The following DCAF17 variants were observed in gnomAD, a reference collection of about 807,000 sequenced individuals.
The protein encoded by DCAF17 is DDB1- and CUL4-associated factor 17.
Under a neutral mutation model 66.0 loss-of-function variants are expected in DCAF17, and 48 were observed. The ratio of observed to expected loss-of-function variants is 0.73; its 90% CI spans 0.58 to 0.92. The LOEUF (loss-of-function observed/expected upper bound fraction) is 0.92. Among genes scored for constraint, DCAF17 ranks in the 40% least tolerant of loss-of-function variants. The pLI is 0.00. For missense variants in DCAF17, 562 were observed against 622.8 expected, an observed-to-expected ratio of 0.90 and a Z score of 1.04; for synonymous variants, 206 against 214.6, an observed-to-expected ratio of 0.96 and a Z score of 0.35.
chr2:171,483,157 T>C lies in DCAF17; in HGVS notation c.*2043T>C, dbSNP rs1217456849. ...GGATACCACACATAGCGAGAGACAA[T>C]GAAGCATGCTTCCCAGCTCGCCAGA... is the stretch of plus-strand genomic sequence containing the variant. On this transcript the variant is annotated 3_prime_UTR_variant, in exon 14 of 14. Coordinates refer to ENST00000375255, the MANE Select transcript of DCAF17 (RefSeq NM_025000.4). 1 of 454,118 alleles carries C rather than the reference T, an allele frequency of 2.2e-6. No homozygotes were observed. Among genetic ancestry groups the C allele is most frequent in the Non-Finnish European group, 4.4e-6 (1 of 226,788 alleles). The allele number at this position is 454,118 out of a possible 1,614,324, so 28.1% of individuals were successfully genotyped here. A position where few individuals can be genotyped will look rare whatever the true frequency, so the allele number is the denominator to read the frequency against.
At chr2:171,440,251 A>AT (rs1189168240) in intron 2 of DCAF17, among the ~76,000 whole-genome samples, 2 of 152,058 alleles carry the variant, frequency 1.3e-5, no homozygotes, top group Admixed American at 6.6e-5. Context: ...ATGCCTTGTC[A>AT]TTTTTTTGGT....
At chr2:171,472,413 A>T (rs1696294933) in intron 9 of DCAF17, among the ~76,000 whole-genome samples, 1 of 152,138 alleles carries the variant, frequency 6.6e-6, no homozygotes, top group African/African-American at 2.4e-5. Context: ...TCCTGACCTC[A>T]AGTGATCCAC....
At position 171,460,317 on chromosome 2, in the gene DCAF17, C is replaced by T. The variant is rs1395354887; in HGVS notation, c.838+1840C>T. Among the ~76,000 whole-genome samples, 4 of 119,706 alleles carry T rather than the reference C, an allele frequency of 3.3e-5. No individual in the cohort carries two copies. The East Asian group carries it at 9.7e-4, about 29-fold the overall frequency. 78.5% of individuals were successfully genotyped at this position (119,706 alleles called of 152,430 possible). On this transcript the variant is annotated intron_variant, in intron 8 of 13. Coordinates refer to ENST00000375255, the MANE Select transcript of DCAF17 (RefSeq NM_025000.4). ...TAGCCTGGGCGATTGAGCGAGATTC[C>T]ATCTCAAAAAAAAAAAAAAAAAAAG...
rs1696786070 is a variant in DCAF17 at position 171,482,523 on chromosome 2, A to G, written c.*1409A>G. The G allele has an allele frequency of 2.2e-6, 1 of 454,004 alleles. No homozygotes were observed. Among genetic ancestry groups the G allele is most frequent in the African/African-American group, 2.0e-5 (1 of 50,014 alleles). The allele number at this position is 454,004 out of a possible 1,614,324, so 28.1% of individuals were successfully genotyped here. A position where few individuals can be genotyped will look rare whatever the true frequency, so the allele number is the denominator to read the frequency against. On this transcript the variant is annotated 3_prime_UTR_variant, in exon 14 of 14. Transcript: ENST00000375255. ...TACATCTTGAAAAACAAGACCAGTA[A>G]GAGGCCAGTGAAAGTACTAAAGAAA...
intron 3 of DCAF17, among the ~76,000 whole-genome samples, chr2:171,446,149 C>G (rs996763388): frequency 6.6e-6 from 1 of 152,020 alleles, no homozygotes; most frequent in African/African-American, 2.4e-5. Context: ...ACGAAAGGAA[C>G]ATTGTTTGTT....
chr2:171,483,744 T>C lies in DCAF17; in HGVS notation c.*2630T>C. The C allele has an allele frequency of 2.2e-6, 1 of 454,082 alleles. No individual in the cohort carries two copies. Among genetic ancestry groups the C allele is most frequent in the Non-Finnish European group, 4.4e-6 (1 of 226,782 alleles). 28.1% of individuals were successfully genotyped at this position (454,082 alleles called of 1,614,324 possible). The stretch of plus-strand genomic sequence containing the variant: ...GGGTTGTCTCATTTAATATTCAGAA[T>C]AACCACATGAAGTATGAACTGCCAT... On this transcript the variant is annotated 3_prime_UTR_variant, in exon 14 of 14. Coordinates refer to ENST00000375255, the MANE Select transcript of DCAF17 (RefSeq NM_025000.4).
At chr2:171,479,951 A>C in intron 12 of DCAF17, 87 bp from the exon 13 acceptor site, 1 of 1,453,016 alleles carries the variant, frequency 6.9e-7, no homozygotes, top group Non-Finnish European at 9.5e-7. Context: ...TAAGTAATAG[A>C]ATACTTAAAC....
intron 13 of DCAF17, among the ~76,000 whole-genome samples, chr2:171,480,494 A>G (rs775777831): frequency 2.0e-5 from 3 of 152,176 alleles, no homozygotes; most frequent in Non-Finnish European, 4.4e-5. Context: ...AAAATTTTTT[A>G]AAATAAGAGA....
At chr2:171,477,001 A>G (rs984202624) in intron 11 of DCAF17, 51 bp downstream of exon 11, 10 of 1,352,446 alleles carry the variant, frequency 7.4e-6, no homozygotes, top group Non-Finnish European at 1.1e-5. Context: ...CTTTCTATAT[A>G]AGACTATAAT....
chr2:171,434,472 G>C lies in DCAF17; in HGVS notation c.-106G>C. 1.3e-6 allele frequency: 2 copies of C among 1,514,044 alleles called. No homozygotes were observed. Among genetic ancestry groups the C allele is most frequent in the East Asian group, 2.5e-5 (1 of 39,970 alleles). 93.8% of individuals were successfully genotyped at this position (1,514,044 alleles called of 1,614,324 possible). ...GTCAGCTTTCCCTGGGCCCCGCCGG[G>C]AAAGTCTGGGCCTCGAAATTCGAAG... On this transcript the variant is annotated 5_prime_UTR_variant, in exon 1 of 14. Transcript: ENST00000375255.
At chr2:171,454,039 G>C (rs192946735) in intron 6 of DCAF17, among the ~76,000 whole-genome samples, 435 of 152,060 alleles carry the variant, frequency 2.9e-3, no homozygotes, top group African/African-American at 9.5e-3. Flanking sequence ...ATTTAATTAA[G>C]TTAAGCAGCA....
At chr2:171,454,520 G>A (rs1404099553) in intron 6 of DCAF17, among the ~76,000 whole-genome samples, 8 of 152,104 alleles carry the variant, frequency 5.3e-5, no homozygotes, top group Middle Eastern at 3.4e-3. Context: ...TCCTGACTTC[G>A]TGATCTGCTC....
intron 6 of DCAF17, among the ~76,000 whole-genome samples, chr2:171,457,503 T>C (rs1275816594): frequency 6.6e-6 from 1 of 152,212 alleles, no homozygotes; most frequent in Non-Finnish European, 1.5e-5. Flanking sequence ...TCACTTACCA[T>C]GCATGAAAGA....
At chr2:171,480,659 C>A (rs973408596) in intron 13 of DCAF17, among the ~76,000 whole-genome samples, 5 of 152,088 alleles carry the variant, frequency 3.3e-5, no homozygotes, top group Non-Finnish European at 7.4e-5. Context: ...CTTGTTTTAT[C>A]AGTGGAGAAC....
chr2:171,482,158 TA>T lies in DCAF17; in HGVS notation c.*1047del, dbSNP rs1696770915. The stretch of plus-strand genomic sequence containing the variant: ...GAATGTTAAATAAAGGCAACCCAAG[TA>T]AAGGGAGAAAATGTTTCTTTGTGCT... On this transcript the variant is annotated 3_prime_UTR_variant, in exon 14 of 14. Coordinates refer to ENST00000375255, the MANE Select transcript of DCAF17 (RefSeq NM_025000.4). 4.4e-6 allele frequency: 2 copies of T among 450,292 alleles called. No homozygotes were observed. The highest frequency in any genetic ancestry group is 2.0e-5 in the African/African-American group (1 of 49,946). The allele number at this position is 450,292 out of a possible 1,614,324, so 27.9% of individuals were successfully genotyped here.
intron 3 of DCAF17, among the ~76,000 whole-genome samples, chr2:171,445,621 T>C (rs532854674): frequency 2.5e-4 from 38 of 152,352 alleles, no homozygotes; most frequent in African/African-American, 8.7e-4. Context: ...CGTATTATAT[T>C]TGCTGCTTCA....
rs763672996 is a variant in DCAF17, at chr2:171,484,322, T to TA, written c.*3209dup. ...AATAATTTATTTCAAACAAGGGACA[T>TA]ACAATAGAAAGATAAGACCTACTGA... On this transcript the variant is annotated 3_prime_UTR_variant, in exon 14 of 14. Coordinates refer to ENST00000375255, the MANE Select transcript of DCAF17 (RefSeq NM_025000.4). The TA allele has an allele frequency of 5.5e-5, 23 of 419,092 alleles. No homozygotes were observed. The highest frequency in any genetic ancestry group is 4.1e-4 in the South Asian group (23 of 56,476). The allele number at this position is 419,092 out of a possible 1,614,324, so 26.0% of individuals were successfully genotyped here. A position where few individuals can be genotyped will look rare whatever the true frequency, so the allele number is the denominator to read the frequency against.
chr2:171,460,106 C>T (rs777823275), intron 8 of DCAF17, among the ~76,000 whole-genome samples: 19 of 151,716 alleles, frequency 1.3e-4, no homozygotes, highest in African/African-American at 4.4e-4. Flanking sequence ...GGGTGGATCA[C>T]GAGGTCAGGA....
Position 171,447,199 on chromosome 2 carries a change from A to C in DCAF17, c.322-1482A>C, listed in dbSNP as rs181220862. 1.4e-3 allele frequency among the ~76,000 whole-genome samples: 215 copies of C among 152,146 alleles called. 4 individuals carry two copies. The East Asian group carries it at 0.016, about 11-fold the overall frequency. On this transcript the variant is annotated intron_variant, in intron 3 of 13. Transcript: ENST00000375255. The stretch of plus-strand genomic sequence containing the variant: ...TTCAATTATATGTAGTCATACAAAA[A>C]AAAAACACTAGCATACAAACAAAAA...
Sources: gnomAD v4.1 joint callset for allele counts (sites outside exome capture counted in the v4.1 genomes callset) on GRCh38, gnomAD v4.1.1 for gene constraint, MANE v1.5 for transcripts, NCBI Gene and HGNC (gene_info 2026-07-23, HGNC 2026-07-21) for gene names.